GALNT13: variants seen among roughly 807,000 people sequenced by gnomAD.
GALNT13 encodes the protein polypeptide N-acetylgalactosaminyltransferase 13.
GALNT13 carries 28 observed loss-of-function variants against 64.2 expected under a neutral mutation model. The ratio of observed to expected loss-of-function variants is 0.44; its 90% CI spans 0.32 to 0.60. The LOEUF is 0.60. Ranked by LOEUF, GALNT13 falls within the 20% of genes least tolerant of loss-of-function variation. The probability of loss-of-function intolerance (pLI) is 0.05; values close to 1 mark genes in which losing one functional copy is unlikely to be tolerated. For synonymous variants in GALNT13, 214 were observed against 224.6 expected, an observed-to-expected ratio of 0.95 and a Z score of 0.42; for missense variants, 577 against 669.8, an observed-to-expected ratio of 0.86 and a Z score of 1.53.
the GALNT13 span, among the ~76,000 whole-genome samples, chr2:153,352,863 G>A: frequency 1.3e-5 from 2 of 151,948 alleles, no homozygotes; most frequent in Admixed American, 6.5e-5. Context: ...TAGCTTTGTA[G>A]TACGTCTTGA....
At chr2:153,566,362 T>TTTTG in the GALNT13 span, among the ~76,000 whole-genome samples, 11 of 143,144 alleles carry the variant, frequency 7.7e-5, no homozygotes, top group African/African-American at 2.9e-4. Flanking sequence ...TTTTTTTTTT[T>TTTTG]TTTTTTTTTT....
intron 9 of GALNT13, among the ~76,000 whole-genome samples, chr2:154,321,008 G>A (rs1694594223): frequency 6.6e-6 from 1 of 151,996 alleles, no homozygotes; most frequent in Admixed American, 6.6e-5. Flanking sequence ...CTCAAATATA[G>A]GTGGGAAAGG....
At chr2:153,617,557 G>C in the GALNT13 span, among the ~76,000 whole-genome samples, 1 of 151,936 alleles carries the variant, frequency 6.6e-6, no homozygotes. Flanking sequence ...TTTGGTATCA[G>C]AGTAATACTG....
chr2:153,110,802 A>G, the GALNT13 span, among the ~76,000 whole-genome samples: 1 of 152,096 alleles, frequency 6.6e-6, no homozygotes, highest in African/African-American at 2.4e-5. Context: ...ACTTAGAGCT[A>G]TTTTTAGTAA....
intron 3 of GALNT13, among the ~76,000 whole-genome samples, chr2:154,021,496 T>A (rs1414562168): frequency 6.6e-6 from 1 of 152,208 alleles, no homozygotes; most frequent in Non-Finnish European, 1.5e-5. Flanking sequence ...GATTTGGCTC[T>A]CTGTTTGTCT....
the GALNT13 span, among the ~76,000 whole-genome samples, chr2:153,501,034 G>C: frequency 6.6e-6 from 1 of 151,272 alleles, no homozygotes; most frequent in Non-Finnish European, 1.5e-5. Context: ...GATATTTCAG[G>C]GGCCCTCTGT....
chr2:154,254,239 G>A (rs1025377196), intron 7 of GALNT13, among the ~76,000 whole-genome samples: 1 of 152,170 alleles, frequency 6.6e-6, no homozygotes, highest in Non-Finnish European at 1.5e-5. Flanking sequence ...TTTACATGCA[G>A]GGAAATAGTT....
the GALNT13 span, among the ~76,000 whole-genome samples, chr2:153,341,771 T>C: frequency 6.6e-6 from 1 of 152,134 alleles, no homozygotes; most frequent in African/African-American, 2.4e-5. Context: ...AAAAATATAA[T>C]TGTTATGGAA....
Position 153,925,180 on chromosome 2 carries a change from GT to G in GALNT13, c.-104-19210del, listed in dbSNP as rs201017100. On this transcript the variant is annotated intron_variant, in intron 2 of 12. Coordinates refer to ENST00000392825, the MANE Select transcript of GALNT13 (RefSeq NM_052917.4). ...TATGTTTTCTCCTAGGGGTTTTATA[GT>G]TTTGGGTATGTATTCACATATTTAA... is the stretch of plus-strand genomic sequence containing the variant. Among the ~76,000 whole-genome samples, 1,034 of 152,220 alleles carry G rather than the reference GT, an allele frequency of 6.8e-3. 14 individuals are homozygous for G. The highest frequency in any genetic ancestry group is 0.024 in the African/African-American group (1,006 of 41,532).
chr2:153,630,675 A>C, the GALNT13 span, among the ~76,000 whole-genome samples: 2 of 143,698 alleles, frequency 1.4e-5, no homozygotes, highest in African/African-American at 2.5e-5. Flanking sequence ...AAAATTAAAA[A>C]ATTAAAAAAA....
the GALNT13 span, among the ~76,000 whole-genome samples, chr2:153,283,376 G>T: frequency 6.6e-6 from 1 of 152,176 alleles, no homozygotes; most frequent in Non-Finnish European, 1.5e-5. Flanking sequence ...CCTTAATGTT[G>T]AGTGCAGAGG....
intron 3 of GALNT13, among the ~76,000 whole-genome samples, chr2:154,132,433 A>G (rs757696327): frequency 2.6e-5 from 4 of 152,092 alleles, no homozygotes; most frequent in Non-Finnish European, 4.4e-5. Context: ...ACATCATTAA[A>G]TATTCTTCTA....
the GALNT13 span, among the ~76,000 whole-genome samples, chr2:153,256,701 G>A: frequency 4.6e-5 from 7 of 152,182 alleles, no homozygotes; most frequent in African/African-American, 9.7e-5. Flanking sequence ...GTCTGTTGGA[G>A]TACCAGGCCG....
At chr2:154,442,297 A>T (rs1701338212) in intron 12 of GALNT13, among the ~76,000 whole-genome samples, 3 of 152,148 alleles carry the variant, frequency 2.0e-5, no homozygotes, top group South Asian at 4.1e-4. Context: ...CTAATTGCTT[A>T]TCCTTGTAAT....
At chr2:153,858,350 A>G in the GALNT13 span, among the ~76,000 whole-genome samples, 3 of 152,208 alleles carry the variant, frequency 2.0e-5, no homozygotes, top group African/African-American at 7.2e-5. Flanking sequence ...TACTCAGACT[A>G]AGATGTGGAG....
At chr2:154,200,647 G>C (rs1327658511) in intron 4 of GALNT13, among the ~76,000 whole-genome samples, 1 of 152,120 alleles carries the variant, frequency 6.6e-6, no homozygotes, top group Non-Finnish European at 1.5e-5. Flanking sequence ...GCAGAAGGTA[G>C]AAGGGCAAGA....
chr2:153,755,312 T>A, the GALNT13 span, among the ~76,000 whole-genome samples: 3 of 152,154 alleles, frequency 2.0e-5, no homozygotes, highest in Non-Finnish European at 2.9e-5. Flanking sequence ...TATTTTTAGT[T>A]TTTTGAGGAA....
At chr2:153,299,774 G>A in the GALNT13 span, among the ~76,000 whole-genome samples, 70 of 152,296 alleles carry the variant, frequency 4.6e-4, no homozygotes, top group Admixed American at 2.2e-3. Context: ...ACAGTTGCTC[G>A]TTGGCATTGA....
the GALNT13 span, among the ~76,000 whole-genome samples, chr2:153,270,072 C>T: frequency 6.6e-6 from 1 of 152,142 alleles, no homozygotes; most frequent in East Asian, 1.9e-4. Flanking sequence ...GGAGAAGAAC[C>T]TTATTTATGA....
Sources: allele counts gnomAD v4.1 joint callset (sites outside exome capture counted in the v4.1 genomes callset), GRCh38; gene constraint gnomAD v4.1.1; transcripts MANE v1.5; gene names NCBI Gene and HGNC (gene_info 2026-07-23, HGNC 2026-07-21).